CCDC93: variants seen among roughly 807,000 people sequenced by gnomAD.
CCDC93 encodes CCC complex scaffolding subunit CCDC93, also known as coiled-coil domain-containing protein 93.
Under a neutral mutation model 108.2 loss-of-function variants are expected in CCDC93, and 61 were observed. The ratio of observed to expected loss-of-function variants is 0.56; its 90% CI spans 0.46 to 0.70. The LOEUF (loss-of-function observed/expected upper bound fraction) is 0.70, where lower values mean the gene tolerates loss of function less well. CCDC93 is among the 30% of genes least tolerant of loss of function. The pLI is 0.00. For synonymous variants in CCDC93, 276 were observed against 260.4 expected, an observed-to-expected ratio of 1.06 and a Z score of -0.58; for missense variants, 685 against 764.2, an observed-to-expected ratio of 0.90 and a Z score of 1.22.
Position 118,007,594 on chromosome 2 carries a change from C to T in CCDC93, c.157-778G>A, listed in dbSNP as rs192683614. On this transcript the variant is annotated intron_variant, in intron 2 of 23. Transcript: ENST00000376300. Reference sequence around the variant, plus strand: ...TGAGGCAGGAGAATCACTTGCATCCCGGAGGCAGAGGTTGCAGTGAGCCAA... The same window carrying T: ...TGAGGCAGGAGAATCACTTGCATCCTGGAGGCAGAGGTTGCAGTGAGCCAA... Among the ~76,000 whole-genome samples the T allele has an allele frequency of 3.2e-3, 488 of 152,156 alleles. 6 individuals are homozygous for T. Among genetic ancestry groups the T allele is most frequent in the Admixed American group, 0.026 (396 of 15,280 alleles).
chr2:117,991,627 A>C (rs1680477470), intron 6 of CCDC93, among the ~76,000 whole-genome samples: 1 of 152,224 alleles, frequency 6.6e-6, no homozygotes, highest in South Asian at 2.1e-4. Context: ...CGAGGGATAA[A>C]GGAGCTAATG....
chr2:117,928,430 C>G (rs1678201242), intron 23 of CCDC93, among the ~76,000 whole-genome samples: 1 of 152,040 alleles, frequency 6.6e-6, no homozygotes. Context: ...AAAAACAACC[C>G]CATCAAAAAG....
At chr2:117,978,128 G>A (rs1680001415) in intron 7 of CCDC93, 98 bp from the exon 8 acceptor site, 3 of 1,049,648 alleles carry the variant, frequency 2.9e-6, no homozygotes, top group Admixed American at 3.6e-5. Context: ...AAAACATCAA[G>A]AGAATTTATG....
chr2:117,981,278 T>C (rs569376888), intron 7 of CCDC93, among the ~76,000 whole-genome samples: 2 of 152,300 alleles, frequency 1.3e-5, no homozygotes, highest in African/African-American at 2.4e-5. Flanking sequence ...CAATTAATGG[T>C]TGCTGCATGA....
chr2:117,930,333 T>C (rs993260116), intron 23 of CCDC93, among the ~76,000 whole-genome samples: 2 of 152,220 alleles, frequency 1.3e-5, no homozygotes, highest in African/African-American at 4.8e-5. Flanking sequence ...ATAAAGCTGC[T>C]GAGACCCTAG....
At position 117,978,179 on chromosome 2, in the gene CCDC93, A is replaced by G. The variant is rs555656864; in HGVS notation, c.621-149T>C. 1.4e-4 allele frequency: 95 copies of G among 694,926 alleles called. 1 individual carries two copies. Among genetic ancestry groups the G allele is most frequent in the Admixed American group, 2.8e-4 (12 of 42,574 alleles). 43.0% of individuals were successfully genotyped at this position (694,926 alleles called of 1,614,324 possible). A position where few individuals can be genotyped will look rare whatever the true frequency, so the allele number is the denominator to read the frequency against. On this transcript the variant is annotated intron_variant, in intron 7 of 23. Coordinates refer to ENST00000376300, the MANE Select transcript of CCDC93 (RefSeq NM_019044.5). Reference sequence around the variant, plus strand: ...AGAAAACGTTACAAGTGCCTAAATTACAAACATATTCCACTGTCTTTTTAA... The same window carrying G: ...AGAAAACGTTACAAGTGCCTAAATTGCAAACATATTCCACTGTCTTTTTAA...
At chr2:117,961,151 C>T (rs1253173066) in intron 11 of CCDC93, among the ~76,000 whole-genome samples, 1 of 152,146 alleles carries the variant, frequency 6.6e-6, no homozygotes, top group East Asian at 1.9e-4. Context: ...GTTTATGTAA[C>T]ACCGAGAGGG....
chr2:117,995,521 C>T lies in CCDC93; in HGVS notation c.463-19G>A, dbSNP rs17584619. Reference sequence around the variant, plus strand: ...CATCATCCTACAAGACAAAACAGAGCGATTAAACAAATCCCAAGGGAAAAT... The same window carrying T: ...CATCATCCTACAAGACAAAACAGAGTGATTAAACAAATCCCAAGGGAAAAT... On this transcript the variant is annotated intron_variant, in intron 5 of 23. Coordinates refer to ENST00000376300, the MANE Select transcript of CCDC93 (RefSeq NM_019044.5). 282,202 of 1,594,622 alleles carry T rather than the reference C, an allele frequency of 0.18. 28,300 individuals carry two copies. Among genetic ancestry groups the T allele is most frequent in the Non-Finnish European group, 0.2 (231,056 of 1,162,684 alleles).
chr2:117,935,576 G>A lies in CCDC93; in HGVS notation c.1647C>T (p.Ala549=). The change falls in exon 22 of 24, where the codon GCC becomes GCT. Residue 549 remains alanine (A), a synonymous_variant. Coordinates refer to ENST00000376300, the MANE Select transcript of CCDC93 (RefSeq NM_019044.5). ...LNSIHENFSQ[A]MASPAARDQF... is the part of the protein sequence containing the mutation. ...GGTCCCGGGCAGCAGGGGAGGCCAT[G>A]GCCCTGAAAGAAAAACCAGTAGAGT... 6.2e-7 allele frequency: 1 copy of A among 1,612,692 alleles called. No homozygotes were observed. Among genetic ancestry groups the A allele is most frequent in the South Asian group, 1.1e-5 (1 of 91,030 alleles).
rs1677742104 is a variant in CCDC93, at chr2:117,918,051, GCA to G, written c.*2290_*2291del. The G allele has an allele frequency of 6.6e-6, 1 of 152,108 alleles. No homozygotes were observed. The highest frequency in any genetic ancestry group is 2.4e-5 in the African/African-American group (1 of 41,380). The allele number at this position is 152,108 out of a possible 1,614,324, so 9.4% of individuals were successfully genotyped here. A position where few individuals can be genotyped will look rare whatever the true frequency, so the allele number is the denominator to read the frequency against. On this transcript the variant is annotated 3_prime_UTR_variant, in exon 24 of 24. Coordinates refer to ENST00000376300, the MANE Select transcript of CCDC93 (RefSeq NM_019044.5). Reference sequence around the variant, plus strand: ...ACAATTCCATACTATGTCTGTCTAAGCACACAGAGCCATAGCCCTGGGAAGAT... The same window carrying G: ...ACAATTCCATACTATGTCTGTCTAAGCACAGAGCCATAGCCCTGGGAAGAT...
intron 8 of CCDC93, among the ~76,000 whole-genome samples, chr2:117,975,969 T>C (rs1679930989): frequency 6.6e-6 from 1 of 152,176 alleles, no homozygotes; most frequent in African/African-American, 2.4e-5. Flanking sequence ...TCCTCAATCA[T>C]GGGCTATAGG....
intron 18 of CCDC93, among the ~76,000 whole-genome samples, 161 bp downstream of exon 18, chr2:117,943,863 A>G (rs899769657): frequency 6.6e-6 from 1 of 152,252 alleles, no homozygotes; most frequent in Non-Finnish European, 1.5e-5. Flanking sequence ...CCAACATCTT[A>G]AATCACTGAG....
At position 117,917,292 on chromosome 2, in the gene CCDC93, A is replaced by G. The variant is rs1160733636; in HGVS notation, c.*3051T>C. ...GTACTGGGGCCTGACAACATCAACA[A>G]CGTCACAACCCTGAGGTCTGAGGTC... On this transcript the variant is annotated 3_prime_UTR_variant, in exon 24 of 24. Coordinates refer to ENST00000376300, the MANE Select transcript of CCDC93 (RefSeq NM_019044.5). 2.0e-5 allele frequency: 3 copies of G among 152,636 alleles called. No homozygotes were observed. Among genetic ancestry groups the G allele is most frequent in the Non-Finnish European group, 4.4e-5 (3 of 68,110 alleles). The allele number at this position is 152,636 out of a possible 1,614,324, so 9.5% of individuals were successfully genotyped here.
intron 14 of CCDC93, among the ~76,000 whole-genome samples, chr2:117,948,929 G>C (rs1414868755): frequency 6.6e-6 from 1 of 152,222 alleles, no homozygotes; most frequent in African/African-American, 2.4e-5. Context: ...TTCTACCAAG[G>C]AGGCACGAGC....
At chr2:117,937,898 T>C (rs1678572915) in intron 20 of CCDC93, among the ~76,000 whole-genome samples, 2 of 152,070 alleles carry the variant, frequency 1.3e-5, no homozygotes, top group African/African-American at 4.8e-5. Flanking sequence ...GAGCACCCTC[T>C]AGGATGACAG....
At chr2:117,957,039 C>A (rs185228949) in intron 12 of CCDC93, among the ~76,000 whole-genome samples, 78 of 152,042 alleles carry the variant, frequency 5.1e-4, no homozygotes, top group African/African-American at 1.7e-3. Flanking sequence ...TACAAGCAGG[C>A]GCCACCATGC....
chr2:117,944,257 T>C (rs1298102352), intron 17 of CCDC93, among the ~76,000 whole-genome samples, 171 bp from the exon 18 acceptor site: 2 of 152,230 alleles, frequency 1.3e-5, no homozygotes, highest in African/African-American at 4.8e-5. Flanking sequence ...ATGAGACCCT[T>C]GATACCCTCT....
At chr2:117,976,470 AAAT>A (rs1036195168) in intron 8 of CCDC93, among the ~76,000 whole-genome samples, 5 of 152,210 alleles carry the variant, frequency 3.3e-5, no homozygotes, top group African/African-American at 4.8e-5. Flanking sequence ...AATGGGGAAA[AAAT>A]AATGAGAAAA....
Position 117,944,091 on chromosome 2 carries a change from A to C in CCDC93, c.1351-5T>G. On this transcript the variant is annotated splice_region_variant and splice_polypyrimidine_tract_variant and intron_variant, in intron 17 of 23. Coordinates refer to ENST00000376300, the MANE Select transcript of CCDC93 (RefSeq NM_019044.5). The stretch of plus-strand genomic sequence containing the variant: ...ATACCGTCTGTCTAGGTCTTCCTAA[A>C]AATTGGAAAAGGCTGTAATTATCTG... The C allele has an allele frequency of 6.3e-7, 1 of 1,585,990 alleles. No homozygotes were observed. Among genetic ancestry groups the C allele is most frequent in the East Asian group, 2.3e-5 (1 of 44,376 alleles).
Sources: gnomAD v4.1 joint callset for allele counts (sites outside exome capture counted in the v4.1 genomes callset) on GRCh38, gnomAD v4.1.1 for gene constraint, MANE v1.5 for transcripts, NCBI Gene and HGNC (gene_info 2026-07-23, HGNC 2026-07-21) for gene names.